Variants in COG6 observed in about 807,000 individuals in gnomAD.
The protein encoded by COG6 is component of oligomeric golgi complex 6.
COG6 carries 74 observed loss-of-function variants against 88.8 expected under a neutral mutation model. The observed-to-expected ratio is 0.83, with a 90% CI of 0.69 to 1.01. The LOEUF is 1.01. COG6 is among the 50% of genes least tolerant of loss of function. COG6 has a pLI of 0.00. For synonymous variants in COG6, 286 were observed against 278.7 expected, an observed-to-expected ratio of 1.03 and a Z score of -0.26; for missense variants, 800 against 797.9, an observed-to-expected ratio of 1.00 and a Z score of -0.03.
downstream of COG6, among the ~76,000 whole-genome samples, chr13:39,757,119 T>C (rs1189786205): frequency 6.6e-6 from 1 of 152,130 alleles, no homozygotes; most frequent in Non-Finnish European, 1.5e-5. Context: ...TTTTAAAAGA[T>C]TGAAATTATA....
intron 18 of COG6, among the ~76,000 whole-genome samples, chr13:39,787,782 C>T (rs1314069522): frequency 1.3e-5 from 2 of 152,050 alleles, no homozygotes; most frequent in East Asian, 3.9e-4. Context: ...AACAACTAAG[C>T]ACATTGTATT....
intron 18 of COG6, among the ~76,000 whole-genome samples, chr13:39,765,345 G>A (rs1385065068): frequency 6.6e-6 from 1 of 152,144 alleles, no homozygotes; most frequent in Non-Finnish European, 1.5e-5. Flanking sequence ...GCATATTGAG[G>A]CCCTATTCAT....
chr13:39,687,808 A>G lies in COG6; in HGVS notation c.1009+9A>G, dbSNP rs4129745. ...GCATGTAACTACACAAGGTGGGTCC[A>G]CCAATTGTATTGCTAATGCCTAAAT... On this transcript the variant is annotated intron_variant, in intron 10 of 18. Coordinates refer to ENST00000455146, the MANE Select transcript of COG6 (RefSeq NM_020751.3). The G allele has an allele frequency of 0.26, 405,668 of 1,588,136 alleles. 52,962 individuals carry two copies. Among genetic ancestry groups the G allele is most frequent in the African/African-American group, 0.37 (27,380 of 74,326 alleles).
chr13:39,781,619 T>C (rs1293242155), intron 18 of COG6, among the ~76,000 whole-genome samples: 2 of 152,104 alleles, frequency 1.3e-5, no homozygotes, highest in Non-Finnish European at 2.9e-5. Flanking sequence ...TCTCTTTTTA[T>C]TCATTTTCTA....
chr13:39,724,494 TTTTTTTTA>T lies in COG6; in HGVS notation c.1693-13_1693-6del. 6.5e-7 allele frequency: 1 copy of T among 1,538,392 alleles called. No homozygotes were observed. Among genetic ancestry groups the T allele is most frequent in the Non-Finnish European group, 8.8e-7 (1 of 1,135,390 alleles). ...ACATCTTGGATCTGCTTTTTTTTTT[TTTTTTTTA>T]AATAGGGCTCTTTAGCTAATATGCC... On this transcript the variant is annotated splice_region_variant and splice_polypyrimidine_tract_variant and intron_variant, in intron 16 of 18. Transcript: ENST00000455146.
At chr13:39,723,882 A>C (rs1002007595) in intron 16 of COG6, among the ~76,000 whole-genome samples, 3 of 152,000 alleles carry the variant, frequency 2.0e-5, no homozygotes, top group Non-Finnish European at 4.4e-5. Flanking sequence ...TAATTTAGCA[A>C]ATTGTTGCCC....
intron 1 of COG6, chr13:39,657,032 A>C (rs1263015205): frequency 5.9e-6 from 2 of 340,564 alleles, no homozygotes; most frequent in African/African-American, 4.3e-5. Flanking sequence ...GATATAGATA[A>C]CATGGCCTTC....
At chr13:39,702,226 T>G (rs1877621567) in intron 13 of COG6, among the ~76,000 whole-genome samples, 1 of 152,002 alleles carries the variant, frequency 6.6e-6, no homozygotes, top group Non-Finnish European at 1.5e-5. Context: ...GTTCAGATTA[T>G]ATAGAGAACT....
chr13:39,663,762 C>G lies in COG6; in HGVS notation c.370-1334C>G, dbSNP rs1186456162. Among the ~76,000 whole-genome samples, 4 of 152,060 alleles carry G rather than the reference C, an allele frequency of 2.6e-5. No individual in the cohort carries two copies. In the East Asian group the frequency reaches 7.7e-4, roughly 29 times the overall value. On this transcript the variant is annotated intron_variant, in intron 3 of 18. Coordinates refer to ENST00000455146, the MANE Select transcript of COG6 (RefSeq NM_020751.3). ...AGTTAGCCAGGCATGGTGGCACATGCCTATAGTCCCAGCTATTCTAGAGGC... is the reference window on the plus strand; with the variant it reads ...AGTTAGCCAGGCATGGTGGCACATGGCTATAGTCCCAGCTATTCTAGAGGC...
At chr13:39,788,277 A>G (rs1401514655) in intron 18 of COG6, 1 of 1,533,998 alleles carries the variant, frequency 6.5e-7, no homozygotes. Context: ...TGAGGTATTC[A>G]AAGCAGGAAA....
At chr13:39,677,178 G>A (rs1247418433) in intron 4 of COG6, among the ~76,000 whole-genome samples, 1 of 152,098 alleles carries the variant, frequency 6.6e-6, no homozygotes, top group East Asian at 1.9e-4. Flanking sequence ...CTTGTAAGTG[G>A]CTGCAAATTT....
At chr13:39,688,698 TA>T (rs1434937280) in intron 10 of COG6, among the ~76,000 whole-genome samples, 1 of 152,202 alleles carries the variant, frequency 6.6e-6, no homozygotes, top group African/African-American at 2.4e-5. Context: ...TAAATGTACT[TA>T]AAATTTTTGT....
chr13:39,684,851 G>A (rs555294429), intron 8 of COG6, among the ~76,000 whole-genome samples: 36 of 152,278 alleles, frequency 2.4e-4, no homozygotes, highest in Middle Eastern at 3.4e-3. Context: ...CGTGGGGAAA[G>A]TTGCCATACT....
intron 18 of COG6, among the ~76,000 whole-genome samples, chr13:39,775,826 A>G (rs950753282): frequency 2.0e-5 from 3 of 151,264 alleles, no homozygotes; most frequent in Non-Finnish European, 4.4e-5. Context: ...CTGGAGTGCA[A>G]TGGTGCGATC....
intron 13 of COG6, among the ~76,000 whole-genome samples, chr13:39,710,611 T>A (rs182881562): frequency 1.3e-5 from 2 of 152,176 alleles, no homozygotes; most frequent in East Asian, 3.9e-4. Context: ...TTAGAGATAA[T>A]TCAGTAAATT....
At chr13:39,704,748 G>A (rs1877788417) in intron 13 of COG6, among the ~76,000 whole-genome samples, 2 of 152,154 alleles carry the variant, frequency 1.3e-5, no homozygotes, top group African/African-American at 4.8e-5. Context: ...GAAAGTAATT[G>A]TAATCTGAAT....
rs535017768 is a variant in COG6, at chr13:39,714,549, G to T, written c.1285-4687G>T. Among the ~76,000 whole-genome samples, 4 of 151,832 alleles carry T rather than the reference G, an allele frequency of 2.6e-5. No homozygotes were observed. The East Asian group carries it at 5.8e-4, about 22-fold the overall frequency. ...GCTCAACATCACTAATCAAGGAAAT[G>T]CAAATTAAAACCACAGTGAGACACC... On this transcript the variant is annotated intron_variant, in intron 13 of 18. Transcript: ENST00000455146.
At chr13:39,718,929 CAGT>C (rs917685345) in intron 13 of COG6, among the ~76,000 whole-genome samples, 14 of 152,026 alleles carry the variant, frequency 9.2e-5, no homozygotes, top group African/African-American at 2.2e-4. Flanking sequence ...AAAAATAAAA[CAGT>C]AGGCCATTTT....
chr13:39,762,154 T>C (rs1390878311), intron 18 of COG6, among the ~76,000 whole-genome samples: 1 of 151,920 alleles, frequency 6.6e-6, no homozygotes, highest in African/African-American at 2.4e-5. Context: ...AAATGTGGCA[T>C]ATATACGCAG....
Sources: gnomAD v4.1 joint callset for allele counts (sites outside exome capture counted in the v4.1 genomes callset) on GRCh38, gnomAD v4.1.1 for gene constraint, MANE v1.5 for transcripts, NCBI Gene and HGNC (gene_info 2026-07-23, HGNC 2026-07-21) for gene names.